Variants in PLA2G10 observed in about 807,000 individuals in gnomAD.
PLA2G10 encodes phospholipase A2 group X.
Under a neutral mutation model 7.9 loss-of-function variants are expected in PLA2G10, and 9 were observed. That is an observed-to-expected ratio of 1.14 (90% confidence interval 0.68 to 1.98). The LOEUF (loss-of-function observed/expected upper bound fraction) is 1.98, where lower values mean the gene tolerates loss of function less well. PLA2G10 is among the 30% of genes most tolerant of loss of function. PLA2G10 has a pLI of 0.00. For missense variants in PLA2G10, 53 were observed against 65.4 expected, an observed-to-expected ratio of 0.81 and a Z score of 0.66; for synonymous variants, 19 against 27.5, an observed-to-expected ratio of 0.69 and a Z score of 0.97.
At chr16:14,677,678 C>T (rs1303340382) in intron 3 of PLA2G10, among the ~76,000 whole-genome samples, 1 of 152,088 alleles carries the variant, frequency 6.6e-6, no homozygotes, top group African/African-American at 2.4e-5. Context: ...TTTATCACCC[C>T]AGAAGAAACC....
chr16:14,683,655 G>A (rs563578406), intron 3 of PLA2G10, among the ~76,000 whole-genome samples: 7 of 152,096 alleles, frequency 4.6e-5, no homozygotes, highest in Non-Finnish European at 5.9e-5. Context: ...ACCTCACTCC[G>A]TAGACAAAAA....
intron 3 of PLA2G10, among the ~76,000 whole-genome samples, chr16:14,684,628 T>G (rs1338007564): frequency 6.6e-6 from 1 of 152,096 alleles, no homozygotes; most frequent in Non-Finnish European, 1.5e-5. Context: ...ATCGTGCCAC[T>G]GCACTCCAGC....
chr16:14,674,386 C>A (rs1483368017), intron 3 of PLA2G10, among the ~76,000 whole-genome samples: 1 of 152,068 alleles, frequency 6.6e-6, no homozygotes, highest in Non-Finnish European at 1.5e-5. Context: ...AAGAAACAAT[C>A]CTAAAATTTA....
At chr16:14,681,460 C>T (rs775686474) in intron 3 of PLA2G10, among the ~76,000 whole-genome samples, 27 of 151,900 alleles carry the variant, frequency 1.8e-4, no homozygotes, top group Non-Finnish European at 2.5e-4. Flanking sequence ...ACAAAGATTC[C>T]GCCAACAGCA....
intron 3 of PLA2G10, among the ~76,000 whole-genome samples, chr16:14,680,399 C>CT (rs1960857598): frequency 6.6e-6 from 1 of 151,038 alleles, no homozygotes; most frequent in African/African-American, 2.4e-5. Context: ...TGTGCCCGGC[C>CT]TTTTTTGTTG....
At chr16:14,681,023 G>A (rs1960875697) in intron 3 of PLA2G10, among the ~76,000 whole-genome samples, 1 of 151,938 alleles carries the variant, frequency 6.6e-6, no homozygotes, top group Non-Finnish European at 1.5e-5. Context: ...AAAATTAGCT[G>A]GGTATGGTGG....
At chr16:14,674,824 CAGAAT>C (rs917098276) in intron 3 of PLA2G10, among the ~76,000 whole-genome samples, 32 of 152,134 alleles carry the variant, frequency 2.1e-4, no homozygotes, top group African/African-American at 7.5e-4. Flanking sequence ...ACCAACAGAA[CAGAAT>C]AGAAAACCCA....
At chr16:14,678,209 GAA>G (rs555151547) in intron 3 of PLA2G10, among the ~76,000 whole-genome samples, 162 of 152,258 alleles carry the variant, frequency 1.1e-3, no homozygotes, top group Non-Finnish European at 1.2e-3. Flanking sequence ...TCCAAGGACA[GAA>G]GAGTGGTCAG....
chr16:14,685,554 T>C (rs1363705456), intron 3 of PLA2G10, among the ~76,000 whole-genome samples: 1 of 151,950 alleles, frequency 6.6e-6, no homozygotes, highest in African/African-American at 2.4e-5. Context: ...TGGGAACGGA[T>C]TGCTTAAGGG....
At chr16:14,685,371 A>C (rs560345423) in intron 3 of PLA2G10, among the ~76,000 whole-genome samples, 2 of 140,902 alleles carry the variant, frequency 1.4e-5, no homozygotes, top group African/African-American at 5.2e-5. Flanking sequence ...ATTTCGTGTC[A>C]AAAAAAAAAA....
chr16:14,686,270 G>A (rs913721137), intron 3 of PLA2G10, among the ~76,000 whole-genome samples: 8 of 151,490 alleles, frequency 5.3e-5, no homozygotes, highest in African/African-American at 9.7e-5. Context: ...GAGCCACAGC[G>A]CCGAGCCTGT....
intron 3 of PLA2G10, among the ~76,000 whole-genome samples, chr16:14,679,609 G>C (rs925126121): frequency 6.7e-6 from 1 of 150,066 alleles, no homozygotes; most frequent in Non-Finnish European, 1.5e-5. Flanking sequence ...GCAGTGAGCC[G>C]AGATCATGCC....
intron 3 of PLA2G10, among the ~76,000 whole-genome samples, chr16:14,676,594 G>A (rs1207068143): frequency 1.3e-5 from 2 of 152,124 alleles, no homozygotes; most frequent in Non-Finnish European, 2.9e-5. Context: ...CAGGAGAATC[G>A]CTTGAACCCA....
chr16:14,677,853 A>AGATGGATGGATGGATG (rs66604338), intron 3 of PLA2G10, among the ~76,000 whole-genome samples: 3 of 146,194 alleles, frequency 2.1e-5, no homozygotes, highest in Non-Finnish European at 4.5e-5. Flanking sequence ...ATGGATGGAT[A>AGATGGATGGATGGATG]GATGGATGGA....
rs560138531 is a variant in PLA2G10 at position 14,681,007 on chromosome 16, CA to C, written c.355+7157del. On this transcript the variant is annotated intron_variant, in intron 3 of 3. Coordinates refer to ENST00000438167, the MANE Select transcript of PLA2G10 (RefSeq NM_003561.3). ...TGAAACCCCGTCTCTACTAAAAATA[CA>C]AAAAAAAATTAGCTGGGTATGGTGG... is the stretch of plus-strand genomic sequence containing the variant. Among the ~76,000 whole-genome samples, 1,353 of 150,616 alleles carry C rather than the reference CA, an allele frequency of 9.0e-3. 18 individuals are homozygous for C. Among genetic ancestry groups the C allele is most frequent in the African/African-American group, 0.031 (1,288 of 41,144 alleles).
intron 3 of PLA2G10, among the ~76,000 whole-genome samples, chr16:14,677,576 A>AG (rs2151849952): frequency 6.6e-6 from 1 of 152,294 alleles, no homozygotes; most frequent in South Asian, 2.1e-4. Context: ...CATGTTGGCC[A>AG]GGATGCTCTC....
At chr16:14,681,893 T>G (rs1430087660) in intron 3 of PLA2G10, among the ~76,000 whole-genome samples, 1 of 151,732 alleles carries the variant, frequency 6.6e-6, no homozygotes, top group East Asian at 2.0e-4. Context: ...GGAAAGATTT[T>G]CAACAGATTT....
intron 3 of PLA2G10, among the ~76,000 whole-genome samples, chr16:14,687,554 T>A (rs1023085520): frequency 2.0e-5 from 3 of 152,240 alleles, no homozygotes; most frequent in African/African-American, 7.2e-5. Context: ...CAAGCGATCC[T>A]CCTTCTGGTC....
chr16:14,672,935 A>T (rs531379939), intron 3 of PLA2G10, among the ~76,000 whole-genome samples, 186 bp from the exon 4 acceptor site: 1 of 152,140 alleles, frequency 6.6e-6, no homozygotes, highest in South Asian at 2.1e-4. Context: ...CAGAAAAGGA[A>T]ATTGAAAGTT....
Sources: allele counts gnomAD v4.1 joint callset (sites outside exome capture counted in the v4.1 genomes callset), GRCh38; gene constraint gnomAD v4.1.1; transcripts MANE v1.5; gene names NCBI Gene and HGNC (gene_info 2026-07-23, HGNC 2026-07-21).